Variants in NFASC observed in about 807,000 individuals in gnomAD.
NFASC encodes the protein neurofascin homolog.
In NFASC, 43 loss-of-function variants were observed where a neutral mutation model predicts 147.5. The ratio of observed to expected loss-of-function variants is 0.29; its 90% confidence interval spans 0.23 to 0.38. NFASC has a LOEUF of 0.38. Ranked by LOEUF, NFASC falls within the 10% of genes least tolerant of loss-of-function variation. The pLI is 1.00. For missense variants in NFASC, 1,320 were observed against 1,689.0 expected (o/e 0.78, Z 3.83); for synonymous variants, 622 against 665.5 (o/e 0.93, Z 1.01).
At position 204,986,574 on chromosome 1, in the gene NFASC, C is replaced by A. The variant is rs77837813; in HGVS notation, c.2471-844C>A. Reference sequence around the variant, plus strand: ...GTGCGGTGGCTCTGCAGAGGGATACCCAAGTATAGCCCCGCCTTCTGCAGG... The same window carrying A: ...GTGCGGTGGCTCTGCAGAGGGATACACAAGTATAGCCCCGCCTTCTGCAGG... On this transcript the variant is annotated intron_variant, in intron 21 of 29. Transcript: ENST00000339876. The surrounding 1 kb of genome is among the most constrained non-coding windows in gnomAD (Gnocchi z 4.2). The A allele has an allele frequency of 0.015, 2,807 of 192,086 alleles. 75 individuals are homozygous for A. The highest frequency in any genetic ancestry group is 0.059 in the African/African-American group (2,604 of 43,768). The allele number at this position is 192,086 out of a possible 1,614,324, so 11.9% of individuals were successfully genotyped here. A position where few individuals can be genotyped will look rare whatever the true frequency, so the allele number is the denominator to read the frequency against.
chr1:204,940,515 C>T (rs2093289923), intron 2 of NFASC, among the ~76,000 whole-genome samples: 1 of 152,218 alleles, frequency 6.6e-6, no homozygotes, highest in African/African-American at 2.4e-5. Context: ...ACAATGTGTG[C>T]ACCCACAACT....
At chr1:204,953,898 C>G (rs12068747) in intron 5 of NFASC, among the ~76,000 whole-genome samples, 14,375 of 152,200 alleles carry the variant, frequency 0.094, 1,792 homozygotes, top group African/African-American at 0.29. Context: ...GTAGCTACTT[C>G]AGTATCTAAC....
intron 1 of NFASC, among the ~76,000 whole-genome samples, chr1:204,891,075 C>T (rs1424258468): frequency 6.6e-6 from 1 of 152,166 alleles, no homozygotes; most frequent in Non-Finnish European, 1.5e-5. Context: ...TAAAGTCATA[C>T]TTGAGAGTAG....
At chr1:204,947,615 C>T (rs2093838705) in intron 3 of NFASC, among the ~76,000 whole-genome samples, 1 of 145,690 alleles carries the variant, frequency 6.9e-6, no homozygotes, top group African/African-American at 2.5e-5. Flanking sequence ...CCACCCATCC[C>T]CTCCCTCCCT....
chr1:204,942,728 A>T (rs1461818002), intron 2 of NFASC, among the ~76,000 whole-genome samples: 3 of 152,238 alleles, frequency 2.0e-5, no homozygotes, highest in African/African-American at 7.2e-5. Flanking sequence ...GTTGGTGATC[A>T]AAACCACGGT....
chr1:204,979,150 C>T lies in NFASC; in HGVS notation c.1978+81C>T. The T allele has an allele frequency of 8.1e-7, 1 of 1,239,334 alleles. No homozygotes were observed. The highest frequency in any genetic ancestry group is 1.1e-6 in the Non-Finnish European group (1 of 876,722). The allele number at this position is 1,239,334 out of a possible 1,614,324, so 76.8% of individuals were successfully genotyped here. On this transcript the variant is annotated intron_variant, in intron 18 of 29. Coordinates refer to ENST00000339876, the MANE Select transcript of NFASC (RefSeq NM_001005388.3). This position sits in a 1 kb window ranked among gnomAD's most constrained non-coding sequence, Gnocchi z 6.0. Reference sequence around the variant, plus strand: ...ACCGAAGGCCTTTCCTGGTTTCCAGCCCCACTTCTGCCTCGCTTGATGTGT... The same window carrying T: ...ACCGAAGGCCTTTCCTGGTTTCCAGTCCCACTTCTGCCTCGCTTGATGTGT...
At chr1:204,993,336 C>T (rs138489117) in intron 24 of NFASC, among the ~76,000 whole-genome samples, 4 of 152,326 alleles carry the variant, frequency 2.6e-5, no homozygotes, top group South Asian at 2.1e-4. Flanking sequence ...CTAAACCTTC[C>T]ACCTTGGAAT....
chr1:204,953,546 T>G (rs2094256599), intron 5 of NFASC, among the ~76,000 whole-genome samples: 1 of 152,176 alleles, frequency 6.6e-6, no homozygotes, highest in Non-Finnish European at 1.5e-5. Context: ...TCCACCCACC[T>G]CAGCCTCCCA....
Position 204,968,153 on chromosome 1 carries a change from G to A in NFASC, c.707-96G>A, listed in dbSNP as rs1406593611. On this transcript the variant is annotated intron_variant, in intron 8 of 29. Coordinates refer to ENST00000339876, the MANE Select transcript of NFASC (RefSeq NM_001005388.3). This position sits in a 1 kb window ranked among gnomAD's most constrained non-coding sequence, Gnocchi z 5.4. ...TTTCAGCTGGGAGGATCCGGCAGGG[G>A]CGGTGATGCCACTTCTCTCTAGCCT... 12 of 858,532 alleles carry A rather than the reference G, an allele frequency of 1.4e-5. No individual in the cohort carries two copies. In the South Asian group the frequency reaches 1.5e-4, roughly 10 times the overall value. The allele number at this position is 858,532 out of a possible 1,614,324, so 53.2% of individuals were successfully genotyped here.
Position 205,016,388 on chromosome 1 carries a change from T to C in NFASC, c.3572T>C (p.Leu1191Pro). The C allele has an allele frequency of 1.2e-6, 2 of 1,614,056 alleles. No individual in the cohort carries two copies. The highest frequency in any genetic ancestry group is 8.5e-7 in the Non-Finnish European group (1 of 1,179,980). The change falls in exon 30 of 30, where the codon CTG (leucine) becomes CCG (proline). Residue 1191 changes from leucine (L) to proline (P), a missense_variant. Leu to Pro is a moderately conservative substitution (Grantham distance 98). Around this residue, in one of 3 missense-constraint regions of NFASC, gnomAD observed 167 missense variants for 233.8 expected, o/e 0.71. Transcript: ENST00000339876. This position sits in a 1 kb window ranked among gnomAD's most constrained non-coding sequence, Gnocchi z 5.1. ...TIKQQESDDS[L>P]VDYGEGGEGQ... is the part of the protein sequence containing the mutation. ...AAGCAGCAGGAGAGTGACGACAGCC[T>C]GGTGGACTATGGCGAGGGTGGCGAG... is the stretch of plus-strand genomic sequence containing the variant.
At chr1:204,997,717 C>G in intron 25 of NFASC, 1 of 485,086 alleles carries the variant, frequency 2.1e-6, no homozygotes, top group Non-Finnish European at 3.8e-6. Flanking sequence ...GCAGGGCCCC[C>G]AGGTTCCAGA....
chr1:204,975,128 T>G lies in NFASC; in HGVS notation c.1559-143T>G, dbSNP rs2095367121. 1.1e-6 allele frequency: 1 copy of G among 903,254 alleles called. No individual in the cohort carries two copies. Among genetic ancestry groups the G allele is most frequent in the Non-Finnish European group, 1.7e-6 (1 of 601,910 alleles). 56.0% of individuals were successfully genotyped at this position (903,254 alleles called of 1,614,324 possible). On this transcript the variant is annotated intron_variant, in intron 14 of 29. Coordinates refer to ENST00000339876, the MANE Select transcript of NFASC (RefSeq NM_001005388.3). The surrounding 1 kb of genome is among the most constrained non-coding windows in gnomAD (Gnocchi z 4.0). ...GGGGATTACCCACCCAGAACTCTGCTCCGTTCATACCATAGCATACTGTTT... is the reference window on the plus strand; with the variant it reads ...GGGGATTACCCACCCAGAACTCTGCGCCGTTCATACCATAGCATACTGTTT...
At chr1:204,884,878 A>G (rs1339493058) in intron 1 of NFASC, among the ~76,000 whole-genome samples, 1 of 152,146 alleles carries the variant, frequency 6.6e-6, no homozygotes, top group Non-Finnish European at 1.5e-5. Flanking sequence ...CATAGAGCGC[A>G]TGGTCTTACT....
At chr1:204,997,541 T>A in intron 25 of NFASC, 135 bp downstream of exon 25, 1 of 1,014,932 alleles carries the variant, frequency 9.9e-7, no homozygotes, top group Non-Finnish European at 1.5e-6. Flanking sequence ...TTGTGTTTCC[T>A]TTGGAAACTC....
chr1:204,830,057 T>C (rs892045183), intron 1 of NFASC, among the ~76,000 whole-genome samples: 2 of 147,904 alleles, frequency 1.4e-5, no homozygotes, highest in Non-Finnish European at 3.0e-5. Flanking sequence ...TGAGCAGAGA[T>C]GCCTCATCCC....
chr1:204,998,583 C>G (rs1012068061), intron 25 of NFASC: 1 of 152,222 alleles, frequency 6.6e-6, no homozygotes, highest in Admixed American at 6.5e-5. Flanking sequence ...CCTGAAAATG[C>G]TGGTTTGCTT....
intron 10 of NFASC, among the ~76,000 whole-genome samples, chr1:204,970,290 C>T (rs2095185966): frequency 6.6e-6 from 1 of 152,120 alleles, no homozygotes; most frequent in African/African-American, 2.4e-5. Flanking sequence ...ACCCAGGCCT[C>T]CTGTGAGGAT....
chr1:204,856,666 A>G (rs12239394), intron 1 of NFASC, among the ~76,000 whole-genome samples: 1 of 151,920 alleles, frequency 6.6e-6, no homozygotes, highest in Non-Finnish European at 1.5e-5. Context: ...TTGAAAAGTC[A>G]TTCCCCATTC....
chr1:204,954,097 T>C lies in NFASC; in HGVS notation c.216-91T>C. On this transcript the variant is annotated intron_variant, in intron 5 of 29. Transcript: ENST00000339876. The surrounding 1 kb of genome is among the most constrained non-coding windows in gnomAD (Gnocchi z 5.7). ...ATGGGACTGAGAGAGGGAATTTTGGTACTGAGCCAGGGACTAGGGATCTGA... is the reference window on the plus strand; with the variant it reads ...ATGGGACTGAGAGAGGGAATTTTGGCACTGAGCCAGGGACTAGGGATCTGA... 8.5e-7 allele frequency: 1 copy of C among 1,171,114 alleles called. No individual in the cohort carries two copies. The highest frequency in any genetic ancestry group is 1.9e-5 in the Admixed American group (1 of 53,768). 72.5% of individuals were successfully genotyped at this position (1,171,114 alleles called of 1,614,324 possible). A position where few individuals can be genotyped will look rare whatever the true frequency, so the allele number is the denominator to read the frequency against.
Sources: gnomAD v4.1 joint callset for allele counts (sites outside exome capture counted in the v4.1 genomes callset) on GRCh38, gnomAD v4.1.1 for gene constraint, gnomAD v4.1.1 regional missense constraint, Gnocchi (gnomAD v3.1) non-coding constraint, MANE v1.5 for transcripts, NCBI Gene and HGNC (gene_info 2026-07-23, HGNC 2026-07-21) for gene names.